The following GNAQ variants were observed in gnomAD, a reference collection of about 807,000 sequenced individuals.
GNAQ encodes guanine nucleotide-binding protein G(q) subunit alpha.
Under a neutral mutation model 43.9 loss-of-function variants are expected in GNAQ, and 8 were observed. That is an observed-to-expected ratio of 0.18 (90% confidence interval 0.11 to 0.33). The LOEUF (loss-of-function observed/expected upper bound fraction) is 0.33, where lower values mean the gene tolerates loss of function less well. Among genes scored for constraint, GNAQ ranks in the 10% least tolerant of loss-of-function variants. The probability of loss-of-function intolerance (pLI) is 1.00; values close to 1 mark genes in which losing one functional copy is unlikely to be tolerated. For missense variants in GNAQ, 158 were observed against 450.8 expected, an observed-to-expected ratio of 0.35 and a Z score of 5.88; for synonymous variants, 155 against 170.7, an observed-to-expected ratio of 0.91 and a Z score of 0.71.
chr9:77,863,786 C>T (rs1173044928), intron 2 of GNAQ, among the ~76,000 whole-genome samples: 2 of 152,122 alleles, frequency 1.3e-5, no homozygotes, highest in Non-Finnish European at 2.9e-5. Flanking sequence ...ACATGGCTGG[C>T]AGCAGGCAAA....
chr9:77,889,350 G>A (rs1056456878), intron 2 of GNAQ, among the ~76,000 whole-genome samples: 2 of 143,742 alleles, frequency 1.4e-5, no homozygotes, highest in Non-Finnish European at 3.0e-5. Context: ...GGCGTAGGGT[G>A]CAGTGAGCCA....
chr9:77,861,940 G>A (rs1231565904), intron 2 of GNAQ, among the ~76,000 whole-genome samples: 1 of 150,788 alleles, frequency 6.6e-6, no homozygotes, highest in Non-Finnish European at 1.5e-5. Context: ...GGGAGGCGGA[G>A]GTTGCGGTGA....
rs561745491 is a variant in GNAQ at position 77,723,719 on chromosome 9, C to T, written c.890-2206G>A. Among the ~76,000 whole-genome samples the T allele has an allele frequency of 1.2e-4, 18 of 152,104 alleles. No homozygotes were observed. The South Asian group carries it at 2.7e-3, about 23-fold the overall frequency. ...ATATTGTATGCTTGCACACATATGA[C>T]GTACTTAGAATTGGTAAACTCATAA... On this transcript the variant is annotated intron_variant, in intron 6 of 6. Coordinates refer to ENST00000286548, the MANE Select transcript of GNAQ (RefSeq NM_002072.5).
chr9:77,733,728 T>G (rs754975746), intron 5 of GNAQ, among the ~76,000 whole-genome samples: 14 of 152,154 alleles, frequency 9.2e-5, no homozygotes, highest in Non-Finnish European at 1.8e-4. Flanking sequence ...CCTGGAAGAC[T>G]GAAGAAGACA....
At chr9:77,958,736 A>G (rs1008725755) in intron 1 of GNAQ, among the ~76,000 whole-genome samples, 3 of 152,156 alleles carry the variant, frequency 2.0e-5, no homozygotes, top group African/African-American at 7.2e-5. Context: ...CCATGAAGCC[A>G]TGGGTGCAGT....
At chr9:77,951,080 C>T (rs989565613) in intron 1 of GNAQ, among the ~76,000 whole-genome samples, 7 of 145,700 alleles carry the variant, frequency 4.8e-5, no homozygotes, top group African/African-American at 1.3e-4. Context: ...ATACTGAACG[C>T]AGTCAAGTGT....
intron 3 of GNAQ, among the ~76,000 whole-genome samples, chr9:77,798,478 C>T (rs1291674132): frequency 2.6e-5 from 4 of 152,080 alleles, no homozygotes; most frequent in Non-Finnish European, 4.4e-5. Flanking sequence ...ATACTATTAA[C>T]AAAACTACAG....
intron 1 of GNAQ, among the ~76,000 whole-genome samples, chr9:77,975,964 A>G (rs140652613): frequency 1.4e-3 from 215 of 152,296 alleles, no homozygotes; most frequent in African/African-American, 4.9e-3. Flanking sequence ...TGATCCTGGC[A>G]TCGGGAAGAG....
intron 5 of GNAQ, among the ~76,000 whole-genome samples, chr9:77,771,556 C>T (rs1321777765): frequency 6.6e-6 from 1 of 152,162 alleles, no homozygotes; most frequent in Admixed American, 6.5e-5. Context: ...GTCTGCAGCT[C>T]TCTGGGTATG....
chr9:77,827,252 G>A (rs1421854120), intron 2 of GNAQ, among the ~76,000 whole-genome samples: 1 of 151,516 alleles, frequency 6.6e-6, no homozygotes, highest in Non-Finnish European at 1.5e-5. Flanking sequence ...ACATGTGCGT[G>A]AAGACTTTAC....
At chr9:77,983,634 G>A (rs1823396288) in intron 1 of GNAQ, among the ~76,000 whole-genome samples, 1 of 151,994 alleles carries the variant, frequency 6.6e-6, no homozygotes, top group Admixed American at 6.6e-5. Flanking sequence ...TTCTTTCAAG[G>A]TTCCCCTTAC....
chr9:77,835,404 G>T (rs1827367083), intron 2 of GNAQ, among the ~76,000 whole-genome samples: 1 of 152,020 alleles, frequency 6.6e-6, no homozygotes, highest in Non-Finnish European at 1.5e-5. Context: ...CTTCAGACTA[G>T]AAGGGAGAGG....
chr9:77,906,441 C>G (rs1042265823), intron 2 of GNAQ, among the ~76,000 whole-genome samples: 11 of 152,122 alleles, frequency 7.2e-5, no homozygotes, highest in Admixed American at 5.2e-4. Context: ...TAATCTTTAT[C>G]AAAAGCCTCA....
intron 1 of GNAQ, among the ~76,000 whole-genome samples, chr9:78,022,824 C>T (rs898106959): frequency 1.3e-5 from 2 of 152,218 alleles, no homozygotes; most frequent in African/African-American, 4.8e-5. Context: ...TATCAATTCA[C>T]ATGGCAAGAA....
chr9:77,853,975 G>A (rs956629773), intron 2 of GNAQ, among the ~76,000 whole-genome samples: 10 of 152,050 alleles, frequency 6.6e-5, no homozygotes, highest in African/African-American at 2.4e-4. Flanking sequence ...CACTGCTATA[G>A]GAAAAAATGA....
chr9:77,936,057 T>C (rs919734082), intron 1 of GNAQ, among the ~76,000 whole-genome samples: 11 of 152,178 alleles, frequency 7.2e-5, no homozygotes, highest in Non-Finnish European at 1.6e-4. Flanking sequence ...GAATTACTCC[T>C]TGAGAAAGTA....
At chr9:77,951,750 C>T (rs1248136618) in intron 1 of GNAQ, among the ~76,000 whole-genome samples, 1 of 152,144 alleles carries the variant, frequency 6.6e-6, no homozygotes, top group Admixed American at 6.5e-5. Context: ...TCTCTCTGTT[C>T]CATTTGTGGG....
rs571681869 is a variant in GNAQ, at chr9:77,733,874, C to T, written c.736-5207G>A. 2.6e-5 allele frequency among the ~76,000 whole-genome samples: 4 copies of T among 152,184 alleles called. No individual in the cohort carries two copies. In the East Asian group the frequency reaches 7.7e-4, roughly 29 times the overall value. On this transcript the variant is annotated intron_variant, in intron 5 of 6. Transcript: ENST00000286548. ...GTTTAAAAGGAAAGGTAGTTTCAAA[C>T]TGAAATCTTTATAGATGAATCAGAG...
At chr9:77,925,010 A>G (rs774105039) in intron 1 of GNAQ, among the ~76,000 whole-genome samples, 3 of 152,018 alleles carry the variant, frequency 2.0e-5, no homozygotes, top group Non-Finnish European at 4.4e-5. Context: ...GTGGCAGCAC[A>G]GGTGTGCTAT....
Sources: gnomAD v4.1 joint callset for allele counts (sites outside exome capture counted in the v4.1 genomes callset) on GRCh38, gnomAD v4.1.1 for gene constraint, MANE v1.5 for transcripts, NCBI Gene and HGNC (gene_info 2026-07-23, HGNC 2026-07-21) for gene names.